Variants in CERKL observed in about 807,000 individuals in gnomAD.
CERKL encodes the protein ceramide kinase-like protein.
Under a neutral mutation model 63.4 loss-of-function variants are expected in CERKL, and 61 were observed. That is an observed-to-expected ratio of 0.96 (90% CI 0.78 to 1.19). CERKL has a LOEUF of 1.19. CERKL is among the 50% of genes most tolerant of loss of function. CERKL has a pLI of 0.00. For synonymous variants in CERKL, 250 were observed against 230.5 expected, an observed-to-expected ratio of 1.08 and a Z score of -0.77; for missense variants, 675 against 655.5, an observed-to-expected ratio of 1.03 and a Z score of -0.33.
At chr2:181,563,926 A>G (rs1688552945) in intron 4 of CERKL, among the ~76,000 whole-genome samples, 1 of 152,020 alleles carries the variant, frequency 6.6e-6, no homozygotes, top group Non-Finnish European at 1.5e-5. Flanking sequence ...GTGGTCCCCA[A>G]CCTTTTTGGT....
chr2:181,656,880 C>G lies in CERKL; in HGVS notation c.127G>C (p.Ala43Pro). The change falls in exon 1 of 13, where the codon GCC (alanine) becomes CCC (proline). Residue 43 changes from alanine (A) to proline (P), a missense_variant. Ala to Pro is a conservative substitution (Grantham distance 27, BLOSUM62 -1). Coordinates refer to ENST00000410087, the MANE Select transcript of CERKL (RefSeq NM_201548.5). Reference sequence around the variant, plus strand: ...ATGCCCCGGAGCAGAATCCGCTCGGCCGCCGCCTCCGTCTGCTGCGGGGAC... The same window carrying G: ...ATGCCCCGGAGCAGAATCCGCTCGGGCGCCGCCTCCGTCTGCTGCGGGGAC... ...LTSPQQTEAA[A>P]ERILLRGIFE... 1 of 1,605,230 alleles carries G rather than the reference C, an allele frequency of 6.2e-7. No homozygotes were observed. The highest frequency in any genetic ancestry group is 1.3e-5 in the African/African-American group (1 of 74,596).
At chr2:181,542,214 T>C (rs1284581080) in intron 11 of CERKL, among the ~76,000 whole-genome samples, 1 of 152,158 alleles carries the variant, frequency 6.6e-6, no homozygotes, top group Non-Finnish European at 1.5e-5. Flanking sequence ...AAGGGTAGTG[T>C]TCAGCCTCTA....
chr2:181,625,431 G>C (rs1344088918), intron 1 of CERKL, among the ~76,000 whole-genome samples: 1 of 151,946 alleles, frequency 6.6e-6, no homozygotes, highest in Non-Finnish European at 1.5e-5. Flanking sequence ...CCTCACAATA[G>C]TTCTATAAGG....
At chr2:181,554,037 A>G (rs1246538970) in intron 5 of CERKL, among the ~76,000 whole-genome samples, 1 of 152,032 alleles carries the variant, frequency 6.6e-6, no homozygotes, top group Non-Finnish European at 1.5e-5. Flanking sequence ...TCTTAACACT[A>G]CCAGAAACTT....
chr2:181,546,957 A>G (rs370929893), intron 10 of CERKL, among the ~76,000 whole-genome samples: 1 of 152,060 alleles, frequency 6.6e-6, no homozygotes, highest in African/African-American at 2.4e-5. Flanking sequence ...CTGGTGGGAG[A>G]TAACTGAATC....
At chr2:181,605,691 T>G (rs1685647417) in intron 1 of CERKL, among the ~76,000 whole-genome samples, 1 of 152,112 alleles carries the variant, frequency 6.6e-6, no homozygotes, top group Non-Finnish European at 1.5e-5. Flanking sequence ...ACAGTAAAAT[T>G]CACAATGTCA....
intron 2 of CERKL, among the ~76,000 whole-genome samples, chr2:181,593,533 G>GAA (rs546811571): frequency 3.0e-5 from 4 of 135,222 alleles, no homozygotes; most frequent in East Asian, 2.1e-4. Context: ...TTTCCTTTTG[G>GAA]AAAAAAAAAA....
chr2:181,571,220 A>G (rs1462766868), intron 3 of CERKL, among the ~76,000 whole-genome samples: 2 of 152,206 alleles, frequency 1.3e-5, no homozygotes, highest in East Asian at 3.8e-4. Flanking sequence ...TGGTTTTATA[A>G]GCAAATGATG....
At chr2:181,635,974 T>A (rs1687163300) in intron 1 of CERKL, among the ~76,000 whole-genome samples, 1 of 152,156 alleles carries the variant, frequency 6.6e-6, no homozygotes, top group African/African-American at 2.4e-5. Context: ...ATGATTATTT[T>A]TAAGTAGCCT....
chr2:181,581,377 C>T (rs973879016), intron 2 of CERKL, among the ~76,000 whole-genome samples: 10 of 152,116 alleles, frequency 6.6e-5, no homozygotes, highest in Non-Finnish European at 8.8e-5. Context: ...GATTCATAGA[C>T]CCCTGTATTA....
intron 1 of CERKL, among the ~76,000 whole-genome samples, chr2:181,618,502 C>T (rs1015570668): frequency 2.6e-5 from 4 of 151,896 alleles, no homozygotes; most frequent in African/African-American, 9.7e-5. Flanking sequence ...CGGCAACCTC[C>T]ATCTCCCTGG....
chr2:181,538,085 CTGGTCCCAAAA>C lies in CERKL; in HGVS notation c.*88_*98del. 1.3e-6 allele frequency: 1 copy of C among 790,414 alleles called. No individual in the cohort carries two copies. The highest frequency in any genetic ancestry group is 3.6e-4 in the Middle Eastern group (1 of 2,790). The allele number at this position is 790,414 out of a possible 1,614,324, so 49.0% of individuals were successfully genotyped here. A position where few individuals can be genotyped will look rare whatever the true frequency, so the allele number is the denominator to read the frequency against. On this transcript the variant is annotated 3_prime_UTR_variant, in exon 13 of 13. Transcript: ENST00000410087. ...CACGGAAAAATTGTCTTCCATGAAA[CTGGTCCCAAAA>C]AGGGTGGGGACCACAGGTTTAAAGC...
chr2:181,546,911 G>A (rs1687747560), intron 10 of CERKL, among the ~76,000 whole-genome samples: 1 of 152,140 alleles, frequency 6.6e-6, no homozygotes, highest in African/African-American at 2.4e-5. Flanking sequence ...ATCTCATCTT[G>A]TAGCTCTCAT....
intron 1 of CERKL, among the ~76,000 whole-genome samples, chr2:181,647,329 T>C (rs1400341257): frequency 1.3e-5 from 2 of 152,184 alleles, no homozygotes; most frequent in Non-Finnish European, 2.9e-5. Context: ...TAAATAAACA[T>C]AGAAGAAAAG....
At chr2:181,570,838 A>C (rs1185121450) in intron 3 of CERKL, among the ~76,000 whole-genome samples, 1 of 152,120 alleles carries the variant, frequency 6.6e-6, no homozygotes, top group Non-Finnish European at 1.5e-5. Flanking sequence ...ATATAGCACT[A>C]TTTCCTAATT....
At chr2:181,594,913 T>C (rs898434114) in intron 2 of CERKL, among the ~76,000 whole-genome samples, 1 of 152,126 alleles carries the variant, frequency 6.6e-6, no homozygotes, top group Non-Finnish European at 1.5e-5. Flanking sequence ...TACCACACAA[T>C]TTTATTATCA....
chr2:181,611,105 C>T (rs1273437719), intron 1 of CERKL, among the ~76,000 whole-genome samples: 2 of 151,886 alleles, frequency 1.3e-5, no homozygotes, highest in Admixed American at 1.3e-4. Context: ...CACCTGTAAC[C>T]CCAGCTACTC....
intron 2 of CERKL, among the ~76,000 whole-genome samples, chr2:181,596,070 T>C (rs1685194973): frequency 1.3e-5 from 2 of 152,190 alleles, no homozygotes. Flanking sequence ...AATTAGCATT[T>C]TGAATATAAT....
intron 4 of CERKL, among the ~76,000 whole-genome samples, chr2:181,564,130 CTG>C (rs1349341712): frequency 6.6e-6 from 1 of 152,114 alleles, no homozygotes; most frequent in Non-Finnish European, 1.5e-5. Context: ...GTTCGCACTC[CTG>C]TGAGAATCTA....
Sources: gnomAD v4.1 joint callset for allele counts (sites outside exome capture counted in the v4.1 genomes callset) on GRCh38, gnomAD v4.1.1 for gene constraint, MANE v1.5 for transcripts, NCBI Gene and HGNC (gene_info 2026-07-23, HGNC 2026-07-21) for gene names.